The following KIAA1549L variants were observed in gnomAD, a reference collection of about 807,000 sequenced individuals.
KIAA1549L encodes the protein KIAA1549 like.
KIAA1549L carries 88 observed loss-of-function variants against 160.7 expected under a neutral mutation model. The observed-to-expected ratio is 0.55, with a 90% confidence interval of 0.46 to 0.65. The LOEUF (loss-of-function observed/expected upper bound fraction) is 0.65. Among genes scored for constraint, KIAA1549L ranks in the 30% least tolerant of loss-of-function variants. KIAA1549L has a pLI of 0.00. For synonymous variants in KIAA1549L, 950 were observed against 976.7 expected, an observed-to-expected ratio of 0.97 and a Z score of 0.51; for missense variants, 2,258 against 2,437.5, an observed-to-expected ratio of 0.93 and a Z score of 1.55.
In KIAA1549L at chr11:33,545,113, C is replaced by T. The variant is rs1565178677; in HGVS notation, c.3120C>T (p.Tyr1040=). The part of the protein sequence containing the change: ...DTASGLLSTT[Y]LPRKPQAMHT... ...CCTCTGGCCTGTTGTCTACAACTTACCTCCCCAGGAAACCACAAGCCATGC... is the reference window on the plus strand; with the variant it reads ...CCTCTGGCCTGTTGTCTACAACTTATCTCCCCAGGAAACCACAAGCCATGC... Residue 1040 remains tyrosine (Y), a synonymous_variant, in exon 3 of 21, where the codon TAC becomes TAT. Transcript: ENST00000658780. 3.7e-6 allele frequency: 6 copies of T among 1,614,028 alleles called. No homozygotes were observed. Among genetic ancestry groups the T allele is most frequent in the Middle Eastern group, 1.6e-4 (1 of 6,062 alleles).
chr11:33,475,335 C>A (rs1252545924), intron 1 of KIAA1549L, among the ~76,000 whole-genome samples: 2 of 152,132 alleles, frequency 1.3e-5, no homozygotes, highest in Non-Finnish European at 2.9e-5. Context: ...TAGCCTGTTT[C>A]TTCTCCGTTT....
rs570786195 is a variant in KIAA1549L, at chr11:33,539,121, T to C, written c.239-2681T>C. ...GCATCATTTGGTAATTCAGTGAACA[T>C]GCTTTCTCCCTTGGCTTTATGTGGA... is the stretch of plus-strand genomic sequence containing the variant. On this transcript the variant is annotated intron_variant, in intron 1 of 20. Transcript: ENST00000658780. Among the ~76,000 whole-genome samples, 6 of 152,368 alleles carry C rather than the reference T, an allele frequency of 3.9e-5. No individual in the cohort carries two copies. The South Asian group carries it at 1.2e-3, about 32-fold the overall frequency.
rs1852679340 is a variant in KIAA1549L, at chr11:33,671,652, T to TGAGGA, written c.*3499_*3503dup. 1 of 146,868 alleles carries TGAGGA rather than the reference T, an allele frequency of 6.8e-6. No homozygotes were observed. Among genetic ancestry groups the TGAGGA allele is most frequent in the African/African-American group, 2.5e-5 (1 of 39,422 alleles). 9.1% of individuals were successfully genotyped at this position (146,868 alleles called of 1,614,324 possible). ...GAGAGAGAATGTAGAATGGAGGAGG[T>TGAGGA]GAGGAATTTAACTAATAGAGATGCT... On this transcript the variant is annotated 3_prime_UTR_variant, in exon 21 of 21. Transcript: ENST00000658780.
chr11:33,604,926 G>A (rs534932362), intron 13 of KIAA1549L, among the ~76,000 whole-genome samples: 10 of 152,166 alleles, frequency 6.6e-5, no homozygotes, highest in East Asian at 3.9e-4. Context: ...ACCAAAAATC[G>A]CTTGAACCCC....
Position 33,393,676 on chromosome 11 carries a change from G to C in KIAA1549L, c.238+16787G>C, listed in dbSNP as rs549795537. Among the ~76,000 whole-genome samples the C allele has an allele frequency of 3.9e-5, 6 of 152,308 alleles. No individual in the cohort carries two copies. The South Asian group carries it at 1.2e-3, about 32-fold the overall frequency. On this transcript the variant is annotated intron_variant, in intron 1 of 20. Coordinates refer to ENST00000658780, the MANE Select transcript of KIAA1549L (RefSeq NM_012194.3). ...GGCATGTTGCCTCCCGGGCATAGAA[G>C]ACAATGTTCAGGAAGAAGAGCAGGA...
chr11:33,660,953 G>T lies in KIAA1549L; in HGVS notation c.6098G>T (p.Arg2033Met), dbSNP rs1384968621. ...ATCCCAACGCCTCCCTCATCCTATA[G>T]GAACCAGGCCTGGATGTCCTATGCA... ...YFIPTPPSSY[R>M]NQAWMSYAGE... is the part of the protein sequence containing the mutation. The change falls in exon 20 of 21, where the codon AGG (arginine) becomes ATG (methionine). Residue 2033 changes from arginine (R) to methionine (M), a missense_variant. Physicochemically the swap from Arg to Met is moderately conservative, Grantham distance 91. Around this residue, in one of 6 missense-constraint regions of KIAA1549L, gnomAD observed 1,359 missense variants for 1,546.6 expected, o/e 0.88. Coordinates refer to ENST00000658780, the MANE Select transcript of KIAA1549L (RefSeq NM_012194.3). 6.2e-7 allele frequency: 1 copy of T among 1,613,074 alleles called. No homozygotes were observed. Among genetic ancestry groups the T allele is most frequent in the African/African-American group, 1.3e-5 (1 of 74,916 alleles).
intron 1 of KIAA1549L, among the ~76,000 whole-genome samples, chr11:33,476,129 G>GAAC (rs1852281428): frequency 6.6e-6 from 1 of 152,234 alleles, no homozygotes; most frequent in Non-Finnish European, 1.5e-5. Flanking sequence ...ATCTATTACT[G>GAAC]TGCTGAAATT....
intron 1 of KIAA1549L, among the ~76,000 whole-genome samples, chr11:33,502,313 G>T (rs779377641): frequency 6.6e-6 from 1 of 152,176 alleles, no homozygotes; most frequent in African/African-American, 2.4e-5. Context: ...GAACTTGAAA[G>T]ACAGGGAGAG....
intron 5 of KIAA1549L, among the ~76,000 whole-genome samples, 157 bp downstream of exon 5, chr11:33,551,416 C>T (rs1485899604): frequency 7.2e-5 from 11 of 152,158 alleles, no homozygotes. Flanking sequence ...TGTCCCAGTT[C>T]CTTGCACATC....
At chr11:33,452,660 CT>C (rs1198100196) in intron 1 of KIAA1549L, among the ~76,000 whole-genome samples, 1 of 152,136 alleles carries the variant, frequency 6.6e-6, no homozygotes, top group Non-Finnish European at 1.5e-5. Flanking sequence ...ACTGCAATTA[CT>C]TTTGCACCAA....
At chr11:33,444,353 T>G (rs2420816) in intron 1 of KIAA1549L, among the ~76,000 whole-genome samples, 32,000 of 152,080 alleles carry the variant, frequency 0.21, 3,871 homozygotes, top group Middle Eastern at 0.32. Flanking sequence ...GAGATAGATA[T>G]GCTCTTATAG....
intron 9 of KIAA1549L, among the ~76,000 whole-genome samples, chr11:33,573,509 C>G (rs960788824): frequency 1.3e-5 from 2 of 152,132 alleles, no homozygotes; most frequent in African/African-American, 4.8e-5. Flanking sequence ...TATTCATTTT[C>G]ACCACTACAC....
chr11:33,485,826 T>G (rs1182491118), intron 1 of KIAA1549L, among the ~76,000 whole-genome samples: 1 of 150,808 alleles, frequency 6.6e-6, no homozygotes, highest in Non-Finnish European at 1.5e-5. Flanking sequence ...TACTCTCTGC[T>G]TCTATGAGTT....
intron 1 of KIAA1549L, among the ~76,000 whole-genome samples, chr11:33,510,776 C>T (rs1157815321): frequency 2.0e-5 from 3 of 152,228 alleles, no homozygotes; most frequent in East Asian, 1.9e-4. Flanking sequence ...AGAGGCCGCT[C>T]CAGTGGGTGT....
intron 3 of KIAA1549L, 147 bp downstream of exon 3, chr11:33,545,525 G>C: frequency 1.0e-6 from 1 of 1,004,538 alleles, no homozygotes; most frequent in Non-Finnish European, 1.4e-6. Flanking sequence ...AGACATTTTT[G>C]GTTGTTATGC....
chr11:33,399,020 T>G (rs907467084), intron 1 of KIAA1549L, among the ~76,000 whole-genome samples: 1 of 151,404 alleles, frequency 6.6e-6, no homozygotes, highest in Non-Finnish European at 1.5e-5. Context: ...TGGCACAATC[T>G]CTGCTCACTG....
chr11:33,577,227 G>T (rs1190234215), intron 10 of KIAA1549L, among the ~76,000 whole-genome samples: 1 of 152,298 alleles, frequency 6.6e-6, no homozygotes, highest in African/African-American at 2.4e-5. Context: ...GACCTTAGCA[G>T]GAGTGGTTTT....
At chr11:33,661,962 C>T (rs1368742928) in intron 20 of KIAA1549L, among the ~76,000 whole-genome samples, 2 of 151,086 alleles carry the variant, frequency 1.3e-5, no homozygotes, top group African/African-American at 2.4e-5. Context: ...CAAGTCTTAC[C>T]CCTTTAATTT....
At chr11:33,550,401 A>G (rs1468760554) in intron 4 of KIAA1549L, among the ~76,000 whole-genome samples, 1 of 152,192 alleles carries the variant, frequency 6.6e-6, no homozygotes, top group Non-Finnish European at 1.5e-5. Flanking sequence ...AAAAGAAAAA[A>G]TAAGAATAAA....
Sources: gnomAD v4.1 joint callset for allele counts (sites outside exome capture counted in the v4.1 genomes callset) on GRCh38, gnomAD v4.1.1 for gene constraint, gnomAD v4.1.1 regional missense constraint, MANE v1.5 for transcripts, NCBI Gene and HGNC (gene_info 2026-07-23, HGNC 2026-07-21) for gene names.